The following VPS4A variants were observed in gnomAD, a reference collection of about 807,000 sequenced individuals.
VPS4A encodes vacuolar protein sorting 4 homolog A.
Under a neutral mutation model 52.3 loss-of-function variants are expected in VPS4A, and 20 were observed. That is an observed-to-expected ratio of 0.38 (90% CI 0.27 to 0.56). The LOEUF is 0.56. VPS4A is among the 20% of genes least tolerant of loss of function. VPS4A has a pLI of 0.72. For missense variants in VPS4A, 419 were observed against 575.9 expected, an observed-to-expected ratio of 0.73 and a Z score of 2.79; for synonymous variants, 293 against 227.7, an observed-to-expected ratio of 1.29 and a Z score of -2.58.
At chr16:69,319,095 G>T (rs1965476392) in intron 5 of VPS4A, among the ~76,000 whole-genome samples, 153 bp downstream of exon 5, 1 of 152,154 alleles carries the variant, frequency 6.6e-6, no homozygotes, top group African/African-American at 2.4e-5. Flanking sequence ...ACACTGCTGT[G>T]GCTGGAGCTA....
At chr16:69,315,251 G>A (rs1250956748) in intron 1 of VPS4A, among the ~76,000 whole-genome samples, 1 of 152,198 alleles carries the variant, frequency 6.6e-6, no homozygotes, top group Non-Finnish European at 1.5e-5. Flanking sequence ...TTCAGCCTAA[G>A]GCACTGGCCT....
At chr16:69,316,909 G>A (rs1965444058) in intron 3 of VPS4A, among the ~76,000 whole-genome samples, 1 of 152,236 alleles carries the variant, frequency 6.6e-6, no homozygotes, top group East Asian at 1.9e-4. Flanking sequence ...CAGGGCGGGT[G>A]GCCCCGATTC....
chr16:69,320,142 C>A lies in VPS4A; in HGVS notation c.622C>A (p.Leu208Met). The change falls in exon 7 of 11, where the codon CTG becomes ATG. Residue 208 changes from leucine to methionine, a missense_variant and splice_region_variant. Coordinates refer to ENST00000254950, the MANE Select transcript of VPS4A (RefSeq NM_013245.3). The surrounding 1 kb of genome is among the most constrained non-coding windows in gnomAD (Gnocchi z 4.2). ...MSKWLGESEK[L>M]VKNLFELARQ... The stretch of plus-strand genomic sequence containing the variant: ...TCACCCCCTTTCTCACCTTCACAGG[C>A]TGGTCAAGAACCTGTTTGAGCTGGC... 6.2e-7 allele frequency: 1 copy of A among 1,612,472 alleles called. No individual in the cohort carries two copies. The highest frequency in any genetic ancestry group is 8.5e-7 in the Non-Finnish European group (1 of 1,178,774).
Position 69,321,574 on chromosome 16 carries a change from G to GTGTT in VPS4A, c.1071+307_1071+310dup. On this transcript the variant is annotated intron_variant, in intron 9 of 10. Coordinates refer to ENST00000254950, the MANE Select transcript of VPS4A (RefSeq NM_013245.3). This position sits in a 1 kb window ranked among gnomAD's most constrained non-coding sequence, Gnocchi z 4.5. ...CTTGTGCGGGGTGGACACCAAATCA[G>GTGTT]TGTTTGGAAAGTGTTGGATATAAAA... The GTGTT allele has an allele frequency of 2.5e-6, 1 of 403,446 alleles. No homozygotes were observed. Among genetic ancestry groups the GTGTT allele is most frequent in the East Asian group, 4.8e-5 (1 of 20,690 alleles). The allele number at this position is 403,446 out of a possible 1,614,324, so 25.0% of individuals were successfully genotyped here. A position where few individuals can be genotyped will look rare whatever the true frequency, so the allele number is the denominator to read the frequency against.
chr16:69,313,061 C>T (rs1446911235), intron 1 of VPS4A, among the ~76,000 whole-genome samples: 1 of 152,006 alleles, frequency 6.6e-6, no homozygotes, highest in Non-Finnish European at 1.5e-5. Flanking sequence ...TCATTGCGGC[C>T]TCCGCCTCCT....
intron 1 of VPS4A, among the ~76,000 whole-genome samples, chr16:69,313,615 C>T (rs1346608224): frequency 6.6e-6 from 1 of 152,078 alleles, no homozygotes; most frequent in Non-Finnish European, 1.5e-5. Flanking sequence ...ACATGAAAAT[C>T]CTATGAAATT....
At chr16:69,317,104 C>A (rs1965446734) in intron 3 of VPS4A, among the ~76,000 whole-genome samples, 1 of 152,168 alleles carries the variant, frequency 6.6e-6, no homozygotes, top group Non-Finnish European at 1.5e-5. Flanking sequence ...AGGCCTCCTC[C>A]TGGATGGAGG....
intron 1 of VPS4A, among the ~76,000 whole-genome samples, chr16:69,312,982 TATTA>T (rs1248757461): frequency 2.0e-5 from 3 of 150,976 alleles, no homozygotes; most frequent in Non-Finnish European, 4.4e-5. Context: ...TTTTTGTTTT[TATTA>T]ATTTTTTTTT....
At chr16:69,323,999 T>C (rs1411545335) in intron 10 of VPS4A, among the ~76,000 whole-genome samples, 3 of 147,264 alleles carry the variant, frequency 2.0e-5, no homozygotes, top group Non-Finnish European at 4.5e-5. Flanking sequence ...TATGAGATGA[T>C]GGAGCTTAGA....
rs536104900 is a variant in VPS4A at position 69,313,371 on chromosome 16, T to G, written c.21+1839T>G. Among the ~76,000 whole-genome samples, 22 of 152,184 alleles carry G rather than the reference T, an allele frequency of 1.4e-4. No individual in the cohort carries two copies. The South Asian group carries it at 3.7e-3, about 26-fold the overall frequency. On this transcript the variant is annotated intron_variant, in intron 1 of 10. Coordinates refer to ENST00000254950, the MANE Select transcript of VPS4A (RefSeq NM_013245.3). ...TCACCATAATCACTTTTTAGAATATTTTCATCACCTCCAAAAGAAACCCCT... is the reference window on the plus strand; with the variant it reads ...TCACCATAATCACTTTTTAGAATATGTTCATCACCTCCAAAAGAAACCCCT...
chr16:69,316,801 T>C (rs115516093), intron 3 of VPS4A, among the ~76,000 whole-genome samples: 3,182 of 152,274 alleles, frequency 0.021, 112 homozygotes, highest in African/African-American at 0.072. Flanking sequence ...CCAGCTGCTG[T>C]GACTGTCAAA....
rs1331905252 is a variant in VPS4A at position 69,311,368 on chromosome 16, C to G, written c.-144C>G. On this transcript the variant is annotated 5_prime_UTR_variant, in exon 1 of 11. Coordinates refer to ENST00000254950, the MANE Select transcript of VPS4A (RefSeq NM_013245.3). Reference sequence around the variant, plus strand: ...CTCGCTTGCCCTCGGACTCGGCTCCCGCTGCGAGCGGCCGCCCTGCCCGCG... The same window carrying G: ...CTCGCTTGCCCTCGGACTCGGCTCCGGCTGCGAGCGGCCGCCCTGCCCGCG... 4.3e-6 allele frequency: 4 copies of G among 924,980 alleles called. No homozygotes were observed. Among genetic ancestry groups the G allele is most frequent in the Non-Finnish European group, 4.2e-6 (3 of 708,280 alleles). 57.3% of individuals were successfully genotyped at this position (924,980 alleles called of 1,614,324 possible).
In VPS4A at chr16:69,326,482, CGTT is replaced by C. The variant is rs1965597928; in HGVS notation, c.*2177_*2179del. 1 of 152,212 alleles carries C rather than the reference CGTT, an allele frequency of 6.6e-6. No homozygotes were observed. Among genetic ancestry groups the C allele is most frequent in the South Asian group, 2.1e-4 (1 of 4,834 alleles). The allele number at this position is 152,212 out of a possible 1,614,324, so 9.4% of individuals were successfully genotyped here. On this transcript the variant is annotated 3_prime_UTR_variant, in exon 11 of 11. Coordinates refer to ENST00000254950, the MANE Select transcript of VPS4A (RefSeq NM_013245.3). ...CTAGTTACATTTACTTGAATCAGAA[CGTT>C]GTTTCCTCATTCCTACTGCTTAAAC...
At position 69,318,862 on chromosome 16, in the gene VPS4A, A is replaced by G; in HGVS notation, c.383A>G (p.Asp128Gly). Residue 128 changes from aspartate (D) to glycine (G), a missense_variant, in exon 5 of 11, where the codon GAC becomes GGC. Physicochemically the swap from Asp to Gly is moderately conservative, Grantham distance 94. Coordinates refer to ENST00000254950, the MANE Select transcript of VPS4A (RefSeq NM_013245.3). ...VMEKPNIRWN[D>G]VAGLEGAKEA... The stretch of plus-strand genomic sequence containing the variant: ...GAGAAGCCCAACATACGGTGGAACG[A>G]CGTGGCCGGGCTGGAGGGGGCCAAG... 1.2e-6 allele frequency: 2 copies of G among 1,613,520 alleles called. No individual in the cohort carries two copies. Among genetic ancestry groups the G allele is most frequent in the African/African-American group, 1.3e-5 (1 of 74,936 alleles).
chr16:69,318,965 C>T (rs752663733), intron 5 of VPS4A, 23 bp downstream of exon 5: 1 of 1,606,142 alleles, frequency 6.2e-7, no homozygotes, highest in Non-Finnish European at 8.5e-7. Context: ...CCATTTCAAA[C>T]CCCAATGTAA....
In VPS4A at chr16:69,324,581, T is replaced by C. The variant is rs530575855; in HGVS notation, c.*272T>C. ...TCCTTCTGCCTCCCCCCCTTTTTTTTCCATCTTTTGTTCCCCTAAATTAAT... is the reference window on the plus strand; with the variant it reads ...TCCTTCTGCCTCCCCCCCTTTTTTTCCCATCTTTTGTTCCCCTAAATTAAT... On this transcript the variant is annotated 3_prime_UTR_variant, in exon 11 of 11. Coordinates refer to ENST00000254950, the MANE Select transcript of VPS4A (RefSeq NM_013245.3). 5.2e-5 allele frequency: 22 copies of C among 419,214 alleles called. No individual in the cohort carries two copies. In the East Asian group the frequency reaches 7.9e-4, roughly 15 times the overall value. The allele number at this position is 419,214 out of a possible 1,614,324, so 26.0% of individuals were successfully genotyped here.
intron 1 of VPS4A, among the ~76,000 whole-genome samples, chr16:69,314,173 G>A (rs1227905422): frequency 6.6e-6 from 1 of 151,870 alleles, no homozygotes; most frequent in Non-Finnish European, 1.5e-5. Flanking sequence ...CACTGTGTTA[G>A]CCAGGATGGT....
chr16:69,318,908 C>T lies in VPS4A; in HGVS notation c.429C>T (p.Val143=), dbSNP rs186545587. The change falls in exon 5 of 11, where the codon GTC becomes GTT. Residue 143 remains valine, a synonymous_variant. Transcript: ENST00000254950. ...CCAAGGAGGCCCTCAAAGAAGCTGT[C>T]ATTTTGCCAATCAAATTCCCACACT... ...EGAKEALKEA[V]ILPIKFPHLF... The T allele has an allele frequency of 1.2e-3, 1,890 of 1,613,696 alleles. 2 individuals are homozygous for T. The highest frequency in any genetic ancestry group is 1.5e-3 in the Non-Finnish European group (1,798 of 1,179,804).
chr16:69,315,409 C>T lies in VPS4A; in HGVS notation c.22-599C>T, dbSNP rs1426134649. ...TGGTATGTGGAGCATTGTGTGTAAG[C>T]GTCCCTTCCCAGGGTGTCACTTTAG... is the stretch of plus-strand genomic sequence containing the variant. On this transcript the variant is annotated intron_variant, in intron 1 of 10. Coordinates refer to ENST00000254950, the MANE Select transcript of VPS4A (RefSeq NM_013245.3). 6.6e-5 allele frequency among the ~76,000 whole-genome samples: 10 copies of T among 152,300 alleles called. 1 individual carries two copies. In the East Asian group the frequency reaches 1.2e-3, roughly 18 times the overall value.
Sources: allele counts gnomAD v4.1 joint callset (sites outside exome capture counted in the v4.1 genomes callset), GRCh38; gene constraint gnomAD v4.1.1; non-coding constraint Gnocchi (gnomAD v3.1); transcripts MANE v1.5; gene names NCBI Gene and HGNC (gene_info 2026-07-23, HGNC 2026-07-21).